PACRG: variants seen among roughly 807,000 people sequenced by gnomAD.
PACRG encodes parkin coregulated.
In PACRG, 29 loss-of-function variants were observed where a neutral mutation model predicts 29.7. The observed-to-expected ratio is 0.98, with a 90% CI of 0.73 to 1.33. The LOEUF (loss-of-function observed/expected upper bound fraction) is 1.33, where lower values mean the gene tolerates loss of function less well. Ranked by LOEUF, PACRG falls within the 40% of genes most tolerant of loss-of-function variation. The pLI is 0.00. For missense variants in PACRG, 279 were observed against 316.2 expected, an observed-to-expected ratio of 0.88 and a Z score of 0.89; for synonymous variants, 116 against 118.7, an observed-to-expected ratio of 0.98 and a Z score of 0.15.
chr6:162,745,224 A>G (rs79858655), intron 1 of PACRG, among the ~76,000 whole-genome samples: 5,739 of 152,252 alleles, frequency 0.038, 374 homozygotes, highest in African/African-American at 0.13. Flanking sequence ...ATGAGATTGT[A>G]TCCTTTGCAA....
chr6:163,179,345 A>G, intron 4 of PACRG: 1 of 429,194 alleles, frequency 2.3e-6, no homozygotes, highest in Non-Finnish European at 4.7e-6. Context: ...GAGGCACAGA[A>G]TTCCCAGAGC....
chr6:162,979,637 T>A (rs1802242031), intron 2 of PACRG, among the ~76,000 whole-genome samples: 1 of 152,178 alleles, frequency 6.6e-6, no homozygotes, highest in Non-Finnish European at 1.5e-5. Flanking sequence ...GTGGTGCTAA[T>A]AAATTACAAT....
chr6:163,286,101 G>T (rs1270703998), intron 4 of PACRG, among the ~76,000 whole-genome samples: 5 of 152,130 alleles, frequency 3.3e-5, no homozygotes, highest in Non-Finnish European at 7.4e-5. Flanking sequence ...ATTTCATCAG[G>T]ATAACCATTT....
At chr6:162,844,509 G>C (rs9364676) in intron 2 of PACRG, among the ~76,000 whole-genome samples, 85,568 of 152,010 alleles carry the variant, frequency 0.56, 26,147 homozygotes, top group African/African-American at 0.82. Flanking sequence ...ACTCCCTAGT[G>C]AGATGAACCC....
chr6:163,163,868 G>GA (rs1264335323), intron 4 of PACRG, among the ~76,000 whole-genome samples: 13 of 151,858 alleles, frequency 8.6e-5, no homozygotes, highest in Admixed American at 8.5e-4. Context: ...TTTTCAAAGG[G>GA]AAAAAGAATT....
chr6:163,062,857 G>C (rs533216707), intron 3 of PACRG, among the ~76,000 whole-genome samples: 1 of 152,290 alleles, frequency 6.6e-6, no homozygotes, highest in East Asian at 1.9e-4. Flanking sequence ...AAATGAGATT[G>C]TCCTTCCTTT....
At chr6:163,132,619 A>G (rs144071084) in intron 4 of PACRG, among the ~76,000 whole-genome samples, 4 of 152,338 alleles carry the variant, frequency 2.6e-5, no homozygotes, top group East Asian at 3.9e-4. Context: ...AGTTACAAGC[A>G]TGTGATCCAC....
intron 3 of PACRG, among the ~76,000 whole-genome samples, chr6:163,086,953 C>T (rs1048212184): frequency 1.3e-5 from 2 of 152,120 alleles, no homozygotes; most frequent in Non-Finnish European, 2.9e-5. Context: ...AAAAACACTT[C>T]TGAGCACCCC....
Position 163,115,077 on chromosome 6 carries a change from G to A in PACRG, c.613+25669G>A, listed in dbSNP as rs1205285111. Among the ~76,000 whole-genome samples, 4 of 152,144 alleles carry A rather than the reference G, an allele frequency of 2.6e-5. No individual in the cohort carries two copies. In the East Asian group the frequency reaches 7.7e-4, roughly 29 times the overall value. Reference sequence around the variant, plus strand: ...ATTTCCCAGTGACATGGATCATTTAGGATTGTAATCAACCATTGAAACTGT... The same window carrying A: ...ATTTCCCAGTGACATGGATCATTTAAGATTGTAATCAACCATTGAAACTGT... On this transcript the variant is annotated intron_variant, in intron 4 of 4. Transcript: ENST00000366888.
chr6:162,956,057 C>A (rs1029653465), intron 2 of PACRG, among the ~76,000 whole-genome samples: 6 of 152,168 alleles, frequency 3.9e-5, no homozygotes, highest in Non-Finnish European at 8.8e-5. Context: ...CTCCCCAGGG[C>A]AAGCACATAC....
chr6:162,742,387 G>A (rs1311564097), intron 1 of PACRG, among the ~76,000 whole-genome samples: 3 of 152,062 alleles, frequency 2.0e-5, no homozygotes, highest in Non-Finnish European at 2.9e-5. Context: ...CACCATGATT[G>A]CGAGGCTTCT....
chr6:163,003,828 G>A (rs73783959), intron 2 of PACRG, among the ~76,000 whole-genome samples: 3,173 of 152,220 alleles, frequency 0.021, 98 homozygotes, highest in African/African-American at 0.065. Flanking sequence ...ATTTAAGATA[G>A]CATTGCACCC....
At chr6:162,973,809 T>C (rs1028430595) in intron 2 of PACRG, among the ~76,000 whole-genome samples, 1 of 152,134 alleles carries the variant, frequency 6.6e-6, no homozygotes, top group African/African-American at 2.4e-5. Context: ...CAGAGATAGA[T>C]CTTTTGCAGA....
chr6:162,993,144 GA>G, intron 2 of PACRG, among the ~76,000 whole-genome samples: 1 of 151,172 alleles, frequency 6.6e-6, no homozygotes, highest in Non-Finnish European at 1.5e-5. Context: ...ATTTGCTGAG[GA>G]GAGCTTTACT....
intron 3 of PACRG, among the ~76,000 whole-genome samples, chr6:163,074,795 G>C (rs480553): frequency 0.49 from 75,040 of 151,962 alleles, 21,252 homozygotes; most frequent in East Asian, 0.96. Flanking sequence ...TTTAAATTAC[G>C]AATAACATTG....
chr6:163,072,253 A>G (rs1378557544), intron 3 of PACRG, among the ~76,000 whole-genome samples: 2 of 152,216 alleles, frequency 1.3e-5, no homozygotes, highest in Non-Finnish European at 2.9e-5. Flanking sequence ...CATCATGACC[A>G]AGTGAGATTT....
At chr6:163,313,521 T>G (rs1043161488) in intron 4 of PACRG, among the ~76,000 whole-genome samples, 50 of 152,224 alleles carry the variant, frequency 3.3e-4, no homozygotes, top group African/African-American at 1.2e-3. Flanking sequence ...TACTAAGTCT[T>G]TTTTAAATGT....
chr6:162,990,151 G>A (rs1329597569), intron 2 of PACRG, among the ~76,000 whole-genome samples: 1 of 151,470 alleles, frequency 6.6e-6, no homozygotes, highest in Non-Finnish European at 1.5e-5. Flanking sequence ...TTGGACATTT[G>A]GGTTGGTTCC....
At chr6:163,065,437 C>G (rs567181081) in intron 3 of PACRG, among the ~76,000 whole-genome samples, 102 of 152,230 alleles carry the variant, frequency 6.7e-4, no homozygotes, top group Non-Finnish European at 1.3e-3. Flanking sequence ...TCTCCGCATA[C>G]GAAATTCAGA....
Sources: allele counts gnomAD v4.1 joint callset (sites outside exome capture counted in the v4.1 genomes callset), GRCh38; gene constraint gnomAD v4.1.1; transcripts MANE v1.5; gene names NCBI Gene and HGNC (gene_info 2026-07-23, HGNC 2026-07-21).